Variants in LOC128092253 observed in about 807,000 individuals in gnomAD.
the LOC128092253 span, among the ~76,000 whole-genome samples, chr6:133,970,856 A>T: frequency 6.6e-6 from 1 of 152,152 alleles, no homozygotes; most frequent in Admixed American, 6.6e-5. Context: ...TACATATTAT[A>T]CATATTTATG....
At chr6:133,960,660 A>G in the LOC128092253 span, among the ~76,000 whole-genome samples, 3 of 152,196 alleles carry the variant, frequency 2.0e-5, no homozygotes, top group African/African-American at 7.2e-5. Context: ...TCTTGGTTAT[A>G]TATTTTTGCT....
chr6:133,963,448 A>G, the LOC128092253 span, among the ~76,000 whole-genome samples: 1 of 152,264 alleles, frequency 6.6e-6, no homozygotes, highest in South Asian at 2.1e-4. Flanking sequence ...TGTTTAAGAC[A>G]TAGTCTCACT....
the LOC128092253 span, among the ~76,000 whole-genome samples, chr6:133,967,061 T>C: frequency 2.6e-5 from 4 of 152,264 alleles, no homozygotes; most frequent in Non-Finnish European, 4.4e-5. Flanking sequence ...CCTAGTCTTA[T>C]GCCACTTTCC....
the LOC128092253 span, among the ~76,000 whole-genome samples, chr6:133,977,723 C>T: frequency 6.6e-6 from 1 of 152,184 alleles, no homozygotes; most frequent in East Asian, 1.9e-4. Flanking sequence ...TTCTCTCATA[C>T]TCATGAGGTC....
chr6:133,967,288 A>G, the LOC128092253 span, among the ~76,000 whole-genome samples: 4 of 152,224 alleles, frequency 2.6e-5, no homozygotes, highest in Non-Finnish European at 5.9e-5. Flanking sequence ...GGAGTGGATC[A>G]CATGTAGAAG....
the LOC128092253 span, among the ~76,000 whole-genome samples, chr6:133,976,072 A>G: frequency 6.6e-6 from 1 of 152,218 alleles, no homozygotes; most frequent in African/African-American, 2.4e-5. Flanking sequence ...ACCATGAAAT[A>G]TAATGAAATG....
chr6:133,965,188 A>C, the LOC128092253 span, among the ~76,000 whole-genome samples: 1 of 152,250 alleles, frequency 6.6e-6, no homozygotes, highest in Non-Finnish European at 1.5e-5. Flanking sequence ...TGGCTAAATT[A>C]GTCTTACAAA....
chr6:133,979,895 C>G, the LOC128092253 span, among the ~76,000 whole-genome samples: 1 of 152,146 alleles, frequency 6.6e-6, no homozygotes, highest in Non-Finnish European at 1.5e-5. Flanking sequence ...GATCCAACCA[C>G]CTTGGCCTCC....
chr6:133,975,925 T>C, the LOC128092253 span, among the ~76,000 whole-genome samples: 1 of 152,196 alleles, frequency 6.6e-6, no homozygotes, highest in African/African-American at 2.4e-5. Context: ...CTTAAATATA[T>C]GGTAGTGCCA....
At chr6:133,960,307 G>A in the LOC128092253 span, among the ~76,000 whole-genome samples, 2 of 152,122 alleles carry the variant, frequency 1.3e-5, no homozygotes, top group African/African-American at 2.4e-5. Flanking sequence ...TTGTACTGAG[G>A]GGGGAGGCCC....
At chr6:133,964,522 C>T in the LOC128092253 span, among the ~76,000 whole-genome samples, 1 of 149,812 alleles carries the variant, frequency 6.7e-6, no homozygotes. Flanking sequence ...ACCATCTTGG[C>T]TCACTGCAAG....
chr6:133,955,003 AGT>A, the LOC128092253 span, among the ~76,000 whole-genome samples: 2 of 152,186 alleles, frequency 1.3e-5, no homozygotes, highest in Admixed American at 1.3e-4. Context: ...CAGGATGCAA[AGT>A]GTGAACATTG....
At chr6:133,970,304 T>C in the LOC128092253 span, among the ~76,000 whole-genome samples, 1 of 152,264 alleles carries the variant, frequency 6.6e-6, no homozygotes, top group Non-Finnish European at 1.5e-5. Flanking sequence ...TTGGAAATAA[T>C]ATCTTTAGTA....
At chr6:133,977,994 C>T in the LOC128092253 span, among the ~76,000 whole-genome samples, 1 of 152,168 alleles carries the variant, frequency 6.6e-6, no homozygotes, top group African/African-American at 2.4e-5. Context: ...TCTCATTGAC[C>T]AGAACATATT....
At chr6:133,961,143 C>G in the LOC128092253 span, among the ~76,000 whole-genome samples, 1 of 152,080 alleles carries the variant, frequency 6.6e-6, no homozygotes, top group East Asian at 1.9e-4. Context: ...TTATTGCTAT[C>G]GTGAAAGATA....
chr6:133,972,368 A>G, the LOC128092253 span, among the ~76,000 whole-genome samples: 1 of 152,248 alleles, frequency 6.6e-6, no homozygotes, highest in Non-Finnish European at 1.5e-5. Context: ...CTAATCAAGG[A>G]CCATGTTATA....
the LOC128092253 span, among the ~76,000 whole-genome samples, chr6:133,953,720 A>G: frequency 1.3e-5 from 2 of 152,038 alleles, no homozygotes; most frequent in Non-Finnish European, 2.9e-5. Context: ...CTGGTGTAGG[A>G]TAAGAAAAGA....
At chr6:133,978,571 A>G in the LOC128092253 span, among the ~76,000 whole-genome samples, 1 of 152,222 alleles carries the variant, frequency 6.6e-6, no homozygotes, top group East Asian at 1.9e-4. Context: ...TCATACGTAA[A>G]AATTATTTGA....
chr6:133,961,390 G>C, the LOC128092253 span, among the ~76,000 whole-genome samples: 1 of 151,152 alleles, frequency 6.6e-6, no homozygotes, highest in East Asian at 1.9e-4. Context: ...CCTCTGCCGG[G>C]TTGCTCTTCT....
Sources: gnomAD v4.1 joint callset for allele counts (sites outside exome capture counted in the v4.1 genomes callset) on GRCh38, gnomAD v4.1.1 for gene constraint, MANE v1.5 for transcripts.